TFRC: variants seen among roughly 807,000 people sequenced by gnomAD.
TFRC encodes transferrin receptor.
Under a neutral mutation model 85.8 loss-of-function variants are expected in TFRC, and 35 were observed. The observed-to-expected ratio is 0.41, with a 90% CI of 0.31 to 0.54. The LOEUF (loss-of-function observed/expected upper bound fraction) is 0.54, where lower values mean the gene tolerates loss of function less well. Ranked by LOEUF, TFRC falls within the 20% of genes least tolerant of loss-of-function variation. The probability of loss-of-function intolerance (pLI) is 0.31; values close to 1 mark genes in which losing one functional copy is unlikely to be tolerated. For missense variants in TFRC, 828 were observed against 921.5 expected, an observed-to-expected ratio of 0.90 and a Z score of 1.31; for synonymous variants, 362 against 328.6, an observed-to-expected ratio of 1.10 and a Z score of -1.10.
chr3:196,057,333 C>T (rs1348384819), intron 16 of TFRC, among the ~76,000 whole-genome samples: 3 of 152,116 alleles, frequency 2.0e-5, no homozygotes, highest in Admixed American at 1.3e-4. Context: ...ATGCAACCCC[C>T]AGTCACGTAC....
At chr3:196,075,782 A>C (rs1039845205) in intron 2 of TFRC, among the ~76,000 whole-genome samples, 1 of 152,134 alleles carries the variant, frequency 6.6e-6, no homozygotes, top group Non-Finnish European at 1.5e-5. Flanking sequence ...AGAATAAAAC[A>C]AAGTTATAAA....
At chr3:196,063,047 T>C (rs1577230527) in intron 11 of TFRC, 108 bp from the exon 12 acceptor site, 2 of 733,314 alleles carry the variant, frequency 2.7e-6, no homozygotes, top group Non-Finnish European at 4.1e-6. Flanking sequence ...AGATAGCAGA[T>C]TCCAAAATCT....
intron 7 of TFRC, among the ~76,000 whole-genome samples, chr3:196,068,927 C>CAAAAA (rs55642820): frequency 5.9e-5 from 5 of 85,184 alleles, no homozygotes; most frequent in South Asian, 4.3e-4. Context: ...GACTCCGTCT[C>CAAAAA]AAAAAAAAAA....
rs767365320 is a variant in TFRC, at chr3:196,058,275, CAG to C, written c.1677+7_1677+8del. 1.2e-6 allele frequency: 2 copies of C among 1,611,126 alleles called. No homozygotes were observed. The highest frequency in any genetic ancestry group is 2.7e-5 in the African/African-American group (2 of 74,760). ...TCTCTCCATTTGTCATTTAAATGAA[CAG>C]ACTTACCTCGCAAAAACAGAAAGAA... On this transcript the variant is annotated splice_region_variant and intron_variant, in intron 16 of 18. Coordinates refer to ENST00000360110, the MANE Select transcript of TFRC (RefSeq NM_001128148.3).
chr3:196,064,161 A>T, intron 11 of TFRC, 148 bp downstream of exon 11: 1 of 839,298 alleles, frequency 1.2e-6, no homozygotes, highest in Non-Finnish European at 1.7e-6. Context: ...AAAGGCAGCT[A>T]CAACAAAAGA....
Position 196,063,001 on chromosome 3 carries a change from T to C in TFRC, c.1319-62A>G, listed in dbSNP as rs1411229551. Reference sequence around the variant, plus strand: ...GTTATACACAGACAAGGATGGAAGGTATCCCACTTAAGATGAATCAGAAGG... The same window carrying C: ...GTTATACACAGACAAGGATGGAAGGCATCCCACTTAAGATGAATCAGAAGG... On this transcript the variant is annotated intron_variant, in intron 11 of 18. Transcript: ENST00000360110. The C allele has an allele frequency of 2.9e-6, 4 of 1,372,120 alleles. No homozygotes were observed. The African/African-American group carries it at 5.7e-5, about 20-fold the overall frequency. The allele number at this position is 1,372,120 out of a possible 1,614,324, so 85.0% of individuals were successfully genotyped here.
rs978226944 is a variant in TFRC, at chr3:196,070,807, T to TAATAATAATAATAATAATAATAAA, written c.687+588_687+589insTTTATTATTATTATTATTATTATT. On this transcript the variant is annotated intron_variant, in intron 6 of 18. Transcript: ENST00000360110. ...ATAATAATAATAATAATAATAATAA[T>TAATAATAATAATAATAATAATAAA]AAAATAAAAAATAAAAATTAACTGG... Among the ~76,000 whole-genome samples the TAATAATAATAATAATAATAATAAA allele has an allele frequency of 1.5e-4, 21 of 144,584 alleles. No individual in the cohort carries two copies. The East Asian group carries it at 1.6e-3, about 11-fold the overall frequency. The allele number at this position is 144,584 out of a possible 152,430, so 94.9% of individuals were successfully genotyped here.
Position 196,064,416 on chromosome 3 carries a change from A to G in TFRC, c.1211T>C (p.Val404Ala). The G allele has an allele frequency of 6.3e-7, 1 of 1,594,408 alleles. No individual in the cohort carries two copies. The highest frequency in any genetic ancestry group is 8.5e-7 in the Non-Finnish European group (1 of 1,174,914). The change falls in exon 11 of 19, where the codon GTA becomes GCA. Residue 404 changes from valine (V) to alanine (A), a missense_variant. Transcript: ENST00000360110. ...KGFVEPDHYV[V>A]VGAQRDAWGP... is the part of the protein sequence containing the mutation. Reference sequence around the variant, plus strand: ...CCATGCATCTCTCTGGGCCCCAACTACAACATAGTGATCTTTAAAAAAGAA... The same window carrying G: ...CCATGCATCTCTCTGGGCCCCAACTGCAACATAGTGATCTTTAAAAAAGAA...
At chr3:196,065,240 C>T (rs1260436789) in intron 10 of TFRC, among the ~76,000 whole-genome samples, 5 of 145,958 alleles carry the variant, frequency 3.4e-5, no homozygotes, top group South Asian at 2.2e-4. Context: ...CCAGCCTGGG[C>T]AACAAGAGTG....
At chr3:196,076,796 A>G (rs550711756) in intron 2 of TFRC, among the ~76,000 whole-genome samples, 13 of 152,156 alleles carry the variant, frequency 8.5e-5, no homozygotes, top group African/African-American at 3.1e-4. Flanking sequence ...AAACATTTTG[A>G]TCAGGGCTTT....
chr3:196,073,203 C>G (rs143781869), intron 4 of TFRC, among the ~76,000 whole-genome samples: 120 of 149,328 alleles, frequency 8.0e-4, no homozygotes, highest in African/African-American at 2.8e-3. Context: ...CTGGGCAACA[C>G]GTAAGACTCC....
chr3:196,059,061 A>C (rs1276934132), intron 14 of TFRC: 1 of 153,972 alleles, frequency 6.5e-6, no homozygotes, highest in African/African-American at 2.4e-5. Flanking sequence ...CACACCTGTA[A>C]TCCCAGCATT....
At chr3:196,066,999 C>T (rs934859429) in intron 9 of TFRC, among the ~76,000 whole-genome samples, 9 of 152,152 alleles carry the variant, frequency 5.9e-5, no homozygotes, top group African/African-American at 1.2e-4. Context: ...GAGACACTAA[C>T]GTTACAGGGA....
chr3:196,073,598 A>G (rs1718412198), intron 4 of TFRC, among the ~76,000 whole-genome samples: 1 of 152,222 alleles, frequency 6.6e-6, no homozygotes, highest in African/African-American at 2.4e-5. Flanking sequence ...TGTCCTTGTC[A>G]GCAAAGCAGA....
intron 16 of TFRC, among the ~76,000 whole-genome samples, chr3:196,056,002 C>G (rs1716758784): frequency 6.6e-6 from 1 of 151,894 alleles, no homozygotes; most frequent in South Asian, 2.1e-4. Context: ...CGAGGCCTCT[C>G]TCTGTCACCC....
rs1325133682 is a variant in TFRC, at chr3:196,072,151, G to T, written c.436C>A (p.Leu146Met). The change falls in exon 5 of 19, where the codon CTG becomes ATG. Residue 146 changes from leucine (L) to methionine (M), a missense_variant and splice_region_variant. Transcript: ENST00000360110. The part of the protein sequence containing the change: ...DSTDFTGTIK[L>M]LNENSYVPRE... ...GGGACATATGAATTTTCATTCAGCA[G>T]CCTGGAGGAGAAAATGCCTTTTAAA... The T allele has an allele frequency of 1.2e-6, 2 of 1,611,930 alleles. No homozygotes were observed. Among genetic ancestry groups the T allele is most frequent in the African/African-American group, 1.3e-5 (1 of 74,916 alleles).
In TFRC at chr3:196,058,603, T is replaced by G; in HGVS notation, c.1566A>C (p.Leu522=). Residue 522 remains leucine, a synonymous_variant, in exon 15 of 19, where the codon CTA becomes CTC. Transcript: ENST00000360110. ...NVKHPVTGQF[L]YQDSNWASKV... is the part of the protein sequence containing the mutation. ...TGCTGGCCCAGTTGCTGTCCTGATA[T>G]AGAAATTGCCCAGTAACCGGATGCT... is the stretch of plus-strand genomic sequence containing the variant. 1.2e-6 allele frequency: 2 copies of G among 1,611,650 alleles called. No individual in the cohort carries two copies. The highest frequency in any genetic ancestry group is 1.7e-6 in the Non-Finnish European group (2 of 1,179,248).
chr3:196,073,106 G>A (rs903788908), intron 4 of TFRC, among the ~76,000 whole-genome samples: 4 of 150,402 alleles, frequency 2.7e-5, no homozygotes, highest in Admixed American at 6.6e-5. Flanking sequence ...TGTGATCTCA[G>A]CTACTCAGGA....
chr3:196,062,750 CA>C (rs1717390494), intron 12 of TFRC, 103 bp downstream of exon 12: 5 of 1,552,390 alleles, frequency 3.2e-6, no homozygotes, highest in Non-Finnish European at 4.4e-6. Context: ...AGACTAAACG[CA>C]AAGGCAAAAG....
Sources: allele counts gnomAD v4.1 joint callset (sites outside exome capture counted in the v4.1 genomes callset), GRCh38; gene constraint gnomAD v4.1.1; transcripts MANE v1.5; gene names NCBI Gene and HGNC (gene_info 2026-07-23, HGNC 2026-07-21).